The following TDRD3 variants were observed in gnomAD, a reference collection of about 807,000 sequenced individuals.
TDRD3 encodes the protein tudor domain containing 3.
In TDRD3, 45 loss-of-function variants were observed where a neutral mutation model predicts 86.7. That is an observed-to-expected ratio of 0.52 (90% confidence interval 0.41 to 0.67). The LOEUF is 0.67. TDRD3 is among the 30% of genes least tolerant of loss of function. The probability of loss-of-function intolerance (pLI) is 0.00; values close to 1 mark genes in which losing one functional copy is unlikely to be tolerated. For missense variants in TDRD3, 814 were observed against 889.0 expected (o/e 0.92, Z 1.07); for synonymous variants, 298 against 301.7 (o/e 0.99, Z 0.13).
rs188090533 is a variant in TDRD3 at position 60,401,097 on chromosome 13, G to T, written c.41+3692G>T. Reference sequence around the variant, plus strand: ...ATCAAATAAATCTTTGCCTTGCAGTGAATCAACTAATTGTGTACTAGGCTT... The same window carrying T: ...ATCAAATAAATCTTTGCCTTGCAGTTAATCAACTAATTGTGTACTAGGCTT... On this transcript the variant is annotated intron_variant, in intron 1 of 13. Transcript: ENST00000377881. Among the ~76,000 whole-genome samples the T allele has an allele frequency of 1.5e-4, 23 of 152,262 alleles. No individual in the cohort carries two copies. The East Asian group carries it at 4.1e-3, about 27-fold the overall frequency.
chr13:60,551,224 G>A (rs1291227463), intron 12 of TDRD3, among the ~76,000 whole-genome samples: 1 of 152,092 alleles, frequency 6.6e-6, no homozygotes, highest in Non-Finnish European at 1.5e-5. Flanking sequence ...CACATACCTT[G>A]GGAAAGATAT....
At position 60,444,789 on chromosome 13, in the gene TDRD3, T is replaced by TA. The variant is rs1955361197; in HGVS notation, c.192+42dup. On this transcript the variant is annotated intron_variant, in intron 3 of 13. Coordinates refer to ENST00000377881, the MANE Select transcript of TDRD3 (RefSeq NM_001146070.2). Reference sequence around the variant, plus strand: ...AACTTCTTACATTAATTAATTTAGTTACAATAAATATGAACTAAATTACTG... The same window carrying TA: ...AACTTCTTACATTAATTAATTTAGTTAACAATAAATATGAACTAAATTACTG... 4 of 1,150,054 alleles carry TA rather than the reference T, an allele frequency of 3.5e-6. No homozygotes were observed. The African/African-American group carries it at 6.4e-5, about 18-fold the overall frequency. 71.2% of individuals were successfully genotyped at this position (1,150,054 alleles called of 1,614,324 possible).
At chr13:60,481,797 A>T in intron 5 of TDRD3, among the ~76,000 whole-genome samples, 1 of 152,150 alleles carries the variant, frequency 6.6e-6, no homozygotes, top group East Asian at 1.9e-4. Flanking sequence ...GTTTTTGCTT[A>T]GATGCTGGAC....
chr13:60,397,581 G>A (rs1813697235), intron 1 of TDRD3, among the ~76,000 whole-genome samples, 176 bp downstream of exon 1: 2 of 149,156 alleles, frequency 1.3e-5, no homozygotes, highest in South Asian at 4.2e-4. Context: ...AGCCCTGCGA[G>A]TTCCCCTAGG....
At chr13:60,457,272 C>G (rs1955699240) in intron 3 of TDRD3, among the ~76,000 whole-genome samples, 1 of 152,264 alleles carries the variant, frequency 6.6e-6, no homozygotes, top group African/African-American at 2.4e-5. Flanking sequence ...TCAGGAGGAT[C>G]TAATAAATAA....
At chr13:60,468,512 A>G (rs1955999339) in intron 5 of TDRD3, among the ~76,000 whole-genome samples, 1 of 152,156 alleles carries the variant, frequency 6.6e-6, no homozygotes, top group Non-Finnish European at 1.5e-5. Flanking sequence ...TGTAACAGAT[A>G]GTATGCTTCT....
chr13:60,440,889 A>G (rs1955247385), intron 2 of TDRD3, among the ~76,000 whole-genome samples: 1 of 152,194 alleles, frequency 6.6e-6, no homozygotes, highest in African/African-American at 2.4e-5. Context: ...GGCACAAGGA[A>G]CATTTAAAAC....
chr13:60,539,794 T>C (rs905589278), intron 12 of TDRD3, among the ~76,000 whole-genome samples: 3 of 151,994 alleles, frequency 2.0e-5, no homozygotes, highest in South Asian at 2.1e-4. Context: ...CCTTCCATAA[T>C]TCTAATGAGG....
At chr13:60,553,528 G>C (rs186408347) in intron 12 of TDRD3, among the ~76,000 whole-genome samples, 146 of 150,946 alleles carry the variant, frequency 9.7e-4, no homozygotes, top group African/African-American at 3.3e-3. Flanking sequence ...TACTACCTGA[G>C]ACTGGGTAAT....
intron 1 of TDRD3, among the ~76,000 whole-genome samples, chr13:60,420,750 G>A (rs932984910): frequency 4.6e-5 from 7 of 152,066 alleles, no homozygotes; most frequent in Admixed American, 2.0e-4. Context: ...AGACCATCCT[G>A]GCTAACATGG....
Position 60,404,590 on chromosome 13 carries a change from G to A in TDRD3, c.41+7185G>A, listed in dbSNP as rs568166185. Among the ~76,000 whole-genome samples the A allele has an allele frequency of 1.5e-4, 23 of 151,312 alleles. No individual in the cohort carries two copies. The East Asian group carries it at 3.8e-3, about 25-fold the overall frequency. On this transcript the variant is annotated intron_variant, in intron 1 of 13. Transcript: ENST00000377881. The stretch of plus-strand genomic sequence containing the variant: ...CTCCCAAAGTGCTGGGATTACAGGC[G>A]TGAGCCACCGCGCCCGGCCCTGTTT...
intron 4 of TDRD3, among the ~76,000 whole-genome samples, chr13:60,461,845 G>A (rs1193246782): frequency 6.6e-6 from 1 of 152,184 alleles, no homozygotes; most frequent in African/African-American, 2.4e-5. Context: ...ATTTTAAGGT[G>A]CAGGGAGGGA....
At chr13:60,470,614 T>C (rs546214534) in intron 5 of TDRD3, among the ~76,000 whole-genome samples, 2 of 142,542 alleles carry the variant, frequency 1.4e-5, no homozygotes, top group East Asian at 2.1e-4. Context: ...TTTTTTGATA[T>C]GGAGTGTTGC....
intron 1 of TDRD3, among the ~76,000 whole-genome samples, chr13:60,415,279 A>G (rs772578488): frequency 5.9e-5 from 9 of 152,092 alleles, no homozygotes; most frequent in Admixed American, 1.3e-4. Context: ...AGAATTACCA[A>G]TTCCACTCTG....
rs569382996 is a variant in TDRD3 at position 60,543,116 on chromosome 13, T to C, written c.2118+7883T>C. Reference sequence around the variant, plus strand: ...AGCCTGTCATTGGCTGAGAGCTCCATTCAGAAGGGAAAGGAAGTACTACAA... The same window carrying C: ...AGCCTGTCATTGGCTGAGAGCTCCACTCAGAAGGGAAAGGAAGTACTACAA... On this transcript the variant is annotated intron_variant, in intron 12 of 13. Coordinates refer to ENST00000377881, the MANE Select transcript of TDRD3 (RefSeq NM_001146070.2). 1.1e-3 allele frequency among the ~76,000 whole-genome samples: 160 copies of C among 152,302 alleles called. 1 individual carries two copies. The highest frequency in any genetic ancestry group is 3.4e-3 in the Middle Eastern group (1 of 294).
At chr13:60,506,697 C>T (rs1956945071) in intron 8 of TDRD3, among the ~76,000 whole-genome samples, 1 of 152,106 alleles carries the variant, frequency 6.6e-6, no homozygotes, top group African/African-American at 2.4e-5. Context: ...GCGGAGTTTG[C>T]AGTGAGCTGA....
intron 1 of TDRD3, among the ~76,000 whole-genome samples, chr13:60,420,817 G>C (rs184316874): frequency 6.6e-6 from 1 of 152,056 alleles, no homozygotes; most frequent in Non-Finnish European, 1.5e-5. Context: ...GATGGCGGGC[G>C]CCTGTAGTCC....
intron 12 of TDRD3, among the ~76,000 whole-genome samples, chr13:60,539,660 A>G (rs868680656): frequency 5.3e-5 from 8 of 151,982 alleles, no homozygotes; most frequent in Admixed American, 2.0e-4. Flanking sequence ...GTAACTTTGT[A>G]TACAATTTAT....
intron 4 of TDRD3, among the ~76,000 whole-genome samples, chr13:60,466,588 G>T (rs571505537): frequency 2.3e-4 from 35 of 152,170 alleles, no homozygotes; most frequent in South Asian, 4.2e-4. Context: ...ATGAGTTGGA[G>T]ACCACCCTGG....
Sources: allele counts gnomAD v4.1 joint callset (sites outside exome capture counted in the v4.1 genomes callset), GRCh38; gene constraint gnomAD v4.1.1; transcripts MANE v1.5; gene names NCBI Gene and HGNC (gene_info 2026-07-23, HGNC 2026-07-21).